Variants in SLC27A5 observed in about 807,000 individuals in gnomAD.
The protein encoded by SLC27A5 is solute carrier family 27 member 5, also known as long-chain fatty acid transport protein 5.
In SLC27A5, 47 loss-of-function variants were observed where a neutral mutation model predicts 63.1. The ratio of observed to expected loss-of-function variants is 0.74; its 90% confidence interval spans 0.59 to 0.95. The LOEUF is 0.95. Among genes scored for constraint, SLC27A5 ranks in the 40% least tolerant of loss-of-function variants. SLC27A5 has a pLI of 0.00. For missense variants in SLC27A5, 940 were observed against 921.0 expected (o/e 1.02, Z -0.27); for synonymous variants, 391 against 403.8 (o/e 0.97, Z 0.38).
intron 3 of SLC27A5, chr19:58,507,689 A>C (rs2053362773): frequency 6.6e-6 from 1 of 152,098 alleles, no homozygotes; most frequent in South Asian, 2.1e-4. Context: ...CAAGTAGGAG[A>C]GATATTGCTA....
At position 58,511,742 on chromosome 19, in the gene SLC27A5, C is replaced by T. The variant is rs1385453307; in HGVS notation, c.214G>A (p.Ala72Thr). The part of the protein sequence containing the change: ...HGLSLAAAAL[A>T]LTLLPARLPP... ...AGCCGTGCTGGCAGGAGGGTTAGTG[C>T]CAGGGCCGCAGCTGCCAGGCTCAGC... Residue 72 changes from alanine (A) to threonine (T), a missense_variant, in exon 1 of 10, where the codon GCA becomes ACA. Ala to Thr is a moderately conservative substitution (Grantham distance 58). Transcript: ENST00000263093. 2.6e-6 allele frequency: 4 copies of T among 1,551,292 alleles called. No individual in the cohort carries two copies. In the African/African-American group the frequency reaches 5.5e-5, roughly 21 times the overall value.
In SLC27A5 at chr19:58,509,906, A is replaced by T. The variant is rs777795378; in HGVS notation, c.998T>A (p.Val333Asp). 2.5e-6 allele frequency: 4 copies of T among 1,613,972 alleles called. No homozygotes were observed. Among genetic ancestry groups the T allele is most frequent in the South Asian group, 2.2e-5 (2 of 91,092 alleles). ...GATADDVVYT[V>D]LPLYHVMGLV... ...TCCCATCACGTGGTACAGAGGCAGGACCGTGTAAACCACATCATCAGCTGT... is the reference window on the plus strand; with the variant it reads ...TCCCATCACGTGGTACAGAGGCAGGTCCGTGTAAACCACATCATCAGCTGT... The change falls in exon 3 of 10, where the codon GTC (valine) becomes GAC (aspartate). Residue 333 changes from valine (V) to aspartate (D), a missense_variant. Physicochemically the swap from Val to Asp is radical, Grantham distance 152. Coordinates refer to ENST00000263093, the MANE Select transcript of SLC27A5 (RefSeq NM_012254.3).
At chr19:58,501,613 C>T (rs769811136) in intron 3 of SLC27A5, among the ~76,000 whole-genome samples, 4 of 152,118 alleles carry the variant, frequency 2.6e-5, no homozygotes, top group Admixed American at 6.5e-5. Flanking sequence ...TCCAGGATGC[C>T]GGGAAAGCTC....
intron 4 of SLC27A5, 105 bp from the exon 5 acceptor site, chr19:58,500,811 C>T (rs922908329): frequency 2.0e-6 from 3 of 1,507,648 alleles, no homozygotes; most frequent in Admixed American, 2.1e-5. Context: ...TTGGGAGTTA[C>T]CTGGAAGGTG....
At chr19:58,505,862 A>G (rs2053339808) in intron 3 of SLC27A5, among the ~76,000 whole-genome samples, 1 of 150,836 alleles carries the variant, frequency 6.6e-6, no homozygotes, top group Admixed American at 6.6e-5. Flanking sequence ...AAAAAAAAAA[A>G]AAACATTTGG....
intron 2 of SLC27A5, 180 bp from the exon 3 acceptor site, chr19:58,510,185 T>C: frequency 1.8e-6 from 1 of 566,522 alleles, no homozygotes; most frequent in Non-Finnish European, 3.0e-6. Context: ...AAGTAATATG[T>C]CAAGATCAAA....
rs553034125 is a variant in SLC27A5 at position 58,503,248 on chromosome 19, G to C, written c.1058-1838C>G. ...AAAGAGAAAGATGGATAGGTGTAAG[G>C]ATGGATAGATGGGTGGGTGGATGAA... On this transcript the variant is annotated intron_variant, in intron 3 of 9. Coordinates refer to ENST00000263093, the MANE Select transcript of SLC27A5 (RefSeq NM_012254.3). Among the ~76,000 whole-genome samples, 3 of 151,362 alleles carry C rather than the reference G, an allele frequency of 2.0e-5. No homozygotes were observed. In the South Asian group the frequency reaches 6.3e-4, roughly 32 times the overall value.
intron 4 of SLC27A5, 87 bp downstream of exon 4, chr19:58,501,199 G>C: frequency 6.6e-7 from 1 of 1,517,598 alleles, no homozygotes; most frequent in Non-Finnish European, 8.9e-7. Context: ...AGGGACTTGA[G>C]TTCAGTACCT....
At chr19:58,506,990 G>A (rs896579156) in intron 3 of SLC27A5, among the ~76,000 whole-genome samples, 19 of 151,846 alleles carry the variant, frequency 1.3e-4, no homozygotes, top group South Asian at 1.0e-3. Context: ...TGATCCACCC[G>A]CCTCAGCCTC....
intron 3 of SLC27A5, among the ~76,000 whole-genome samples, chr19:58,502,149 T>C (rs1333946196): frequency 6.6e-6 from 1 of 151,898 alleles, no homozygotes; most frequent in Non-Finnish European, 1.5e-5. Context: ...GATGGGTGGG[T>C]GGACAGAGTA....
rs538363796 is a variant in SLC27A5 at position 58,505,084 on chromosome 19, T to C, written c.1058-3674A>G. Among the ~76,000 whole-genome samples the C allele has an allele frequency of 2.5e-3, 361 of 144,876 alleles. 1 individual carries two copies. Among genetic ancestry groups the C allele is most frequent in the African/African-American group, 8.3e-3 (328 of 39,520 alleles). ...CTGGGTGAAGATACCTGAGATGTCA[T>C]CAAACTATTTTCACTTTTTTTTTTT... is the stretch of plus-strand genomic sequence containing the variant. On this transcript the variant is annotated intron_variant, in intron 3 of 9. Transcript: ENST00000263093.
At chr19:58,504,059 G>A (rs1030318942) in intron 3 of SLC27A5, among the ~76,000 whole-genome samples, 4 of 152,156 alleles carry the variant, frequency 2.6e-5, no homozygotes, top group African/African-American at 7.2e-5. Flanking sequence ...AGGTTGTAGT[G>A]AGCCAACATC....
chr19:58,502,025 C>A (rs977170045), intron 3 of SLC27A5, among the ~76,000 whole-genome samples: 2 of 152,218 alleles, frequency 1.3e-5, no homozygotes, highest in African/African-American at 4.8e-5. Flanking sequence ...AAGCTCAAAT[C>A]ACTCTTGATT....
rs1265300797 is a variant in SLC27A5 at position 58,500,632 on chromosome 19, G to C, written c.1257C>G (p.Phe419Leu). Residue 419 changes from phenylalanine to leucine, a missense_variant, in exon 5 of 10, where the codon TTC becomes TTG. Physicochemically the swap from Phe to Leu is conservative, Grantham distance 22. Transcript: ENST00000263093. ...TCCGAATAGGACCGAAGCGCTGCTG[G>C]AAGGTCTCCCACACATCAGCCCGTA... ...NGLRADVWETFQQRFGPIRIW... is the reference protein window; with the variant it reads ...NGLRADVWETLQQRFGPIRIW... 1 of 1,614,178 alleles carries C rather than the reference G, an allele frequency of 6.2e-7. No homozygotes were observed.
intron 3 of SLC27A5, among the ~76,000 whole-genome samples, chr19:58,507,184 C>T (rs2053357249): frequency 6.6e-6 from 1 of 151,928 alleles, no homozygotes; most frequent in African/African-American, 2.4e-5. Flanking sequence ...TGGTGAGACC[C>T]CACCTATACT....
chr19:58,507,478 AC>A (rs1360710883), intron 3 of SLC27A5: 1 of 152,182 alleles, frequency 6.6e-6, no homozygotes, highest in African/African-American at 2.4e-5. Flanking sequence ...TCACCTCAGG[AC>A]CCTGTGATAA....
Position 58,511,845 on chromosome 19 carries a change from C to G in SLC27A5, c.111G>C (p.Leu37=). 1 of 1,558,880 alleles carries G rather than the reference C, an allele frequency of 6.4e-7. No homozygotes were observed. The highest frequency in any genetic ancestry group is 8.7e-7 in the Non-Finnish European group (1 of 1,151,760). Residue 37 remains leucine (L), a synonymous_variant, in exon 1 of 10, where the codon CTG becomes CTC. Transcript: ENST00000263093. ...GTAGCACGCAACATGTGGGATCCCC[C>G]AGGAGCCAGCGCAGGGTCAAGGCCA... is the stretch of plus-strand genomic sequence containing the variant. The part of the protein sequence containing the change: ...VAVALTLRWL[L]GDPTCCVLLG...
chr19:58,511,787 C>T lies in SLC27A5; in HGVS notation c.169G>A (p.Gly57Ser), dbSNP rs887693979. 2.1e-5 allele frequency: 33 copies of T among 1,553,776 alleles called. No individual in the cohort carries two copies. The highest frequency in any genetic ancestry group is 2.1e-4 in the Middle Eastern group (1 of 4,838). The change falls in exon 1 of 10, where the codon GGC becomes AGC. Residue 57 changes from glycine (G) to serine (S), a missense_variant. Coordinates refer to ENST00000263093, the MANE Select transcript of SLC27A5 (RefSeq NM_012254.3). ...CTCAGCCCATGGGGCACCCAGGGGC[C>T]GAGCCAGGGCCGTGCTAACATGGCC... The part of the protein sequence containing the change: ...GLAMLARPWL[G>S]PWVPHGLSLA...
At chr19:58,501,024 A>C (rs1325521364) in intron 4 of SLC27A5, 4 of 1,219,484 alleles carry the variant, frequency 3.3e-6, no homozygotes, top group Non-Finnish European at 4.2e-6. Context: ...AATTTTAATT[A>C]ATTAATTTTT....
Sources: gnomAD v4.1 joint callset for allele counts (sites outside exome capture counted in the v4.1 genomes callset) on GRCh38, gnomAD v4.1.1 for gene constraint, MANE v1.5 for transcripts, NCBI Gene and HGNC (gene_info 2026-07-23, HGNC 2026-07-21) for gene names.